Variants in FAM20A observed in about 807,000 individuals in gnomAD.
FAM20A encodes pseudokinase FAM20A.
Under a neutral mutation model 52.0 loss-of-function variants are expected in FAM20A, and 42 were observed. That is an observed-to-expected ratio of 0.81 (90% confidence interval 0.63 to 1.04). The LOEUF is 1.04. Ranked by LOEUF, FAM20A falls within the 50% of genes least tolerant of loss-of-function variation. The pLI, the probability that FAM20A is intolerant of heterozygous loss-of-function variation, is 0.00. For synonymous variants in FAM20A, 304 were observed against 298.9 expected, an observed-to-expected ratio of 1.02 and a Z score of -0.18; for missense variants, 742 against 712.7, an observed-to-expected ratio of 1.04 and a Z score of -0.47.
In FAM20A at chr17:68,536,022, G is replaced by A; in HGVS notation, c.*1455C>T. On this transcript the variant is annotated 3_prime_UTR_variant, in exon 11 of 11. Transcript: ENST00000592554. ...GATTGGAAACCTGTGTGTTGCTTCT[G>A]TAGCGTTGGTGAGTGCCTCACCTGG... is the stretch of plus-strand genomic sequence containing the variant. The A allele has an allele frequency of 2.2e-6, 1 of 454,152 alleles. No homozygotes were observed. Among genetic ancestry groups the A allele is most frequent in the South Asian group, 1.6e-5 (1 of 64,484 alleles). 28.1% of individuals were successfully genotyped at this position (454,152 alleles called of 1,614,324 possible).
Position 68,535,433 on chromosome 17 carries a change from C to G in FAM20A, c.*2044G>C. On this transcript the variant is annotated 3_prime_UTR_variant, in exon 11 of 11. Transcript: ENST00000592554. ...TGAGGTAGAGCTGTAGCCTGCTTTCCTGAGAGTCTTATTTGGAAGTCCCAA... is the reference window on the plus strand; with the variant it reads ...TGAGGTAGAGCTGTAGCCTGCTTTCGTGAGAGTCTTATTTGGAAGTCCCAA... 2.2e-6 allele frequency: 1 copy of G among 454,046 alleles called. No individual in the cohort carries two copies. Among genetic ancestry groups the G allele is most frequent in the Non-Finnish European group, 4.4e-6 (1 of 226,780 alleles). 28.1% of individuals were successfully genotyped at this position (454,046 alleles called of 1,614,324 possible).
At chr17:68,585,457 T>G (rs1374821593) in intron 1 of FAM20A, among the ~76,000 whole-genome samples, 1 of 152,178 alleles carries the variant, frequency 6.6e-6, no homozygotes, top group Non-Finnish European at 1.5e-5. Context: ...ATTTATTTTT[T>G]TTTTAGGTTT....
intron 1 of FAM20A, among the ~76,000 whole-genome samples, chr17:68,566,699 T>C (rs1245128311): frequency 6.6e-6 from 1 of 152,218 alleles, no homozygotes; most frequent in Admixed American, 6.5e-5. Flanking sequence ...CTCTCTGTTT[T>C]TAGTTGCATT....
At chr17:68,586,991 AGCAATTCTCCT>A (rs1433529091) in intron 1 of FAM20A, among the ~76,000 whole-genome samples, 1 of 152,128 alleles carries the variant, frequency 6.6e-6, no homozygotes. Flanking sequence ...CTCAGATTCA[AGCAATTCTCCT>A]GCCTCAGCCT....
chr17:68,578,280 TGAATGTTGGG>T (rs1045065678), intron 1 of FAM20A, among the ~76,000 whole-genome samples: 2 of 152,192 alleles, frequency 1.3e-5, no homozygotes, highest in African/African-American at 4.8e-5. Flanking sequence ...GAGATGGATT[TGAATGTTGGG>T]GAATCTGCAT....
At chr17:68,539,232 C>T (rs903537249) in intron 10 of FAM20A, 105 bp downstream of exon 10, 56 of 1,050,798 alleles carry the variant, frequency 5.3e-5, no homozygotes, top group Middle Eastern at 2.0e-4. Flanking sequence ...TACCCACTTA[C>T]GTCCTGGACC....
chr17:68,577,491 G>T (rs371472961), intron 1 of FAM20A, among the ~76,000 whole-genome samples: 2 of 152,318 alleles, frequency 1.3e-5, no homozygotes, highest in Non-Finnish European at 2.9e-5. Flanking sequence ...AGACATATTT[G>T]GTTGTCATAG....
At position 68,600,746 on chromosome 17, in the gene FAM20A, AGAG is replaced by A; in HGVS notation, c.-83_-81del. ...GGAGGGGTCGCGGGGTGCGGGCAGA[AGAG>A]GTGCCTGGAGTCCCGCGGGTGGGCC... On this transcript the variant is annotated 5_prime_UTR_variant, in exon 1 of 11. Coordinates refer to ENST00000592554, the MANE Select transcript of FAM20A (RefSeq NM_017565.4). The surrounding 1 kb of genome is among the most constrained non-coding windows in gnomAD (Gnocchi z 6.2). 3.4e-6 allele frequency: 5 copies of A among 1,451,752 alleles called. No individual in the cohort carries two copies. The highest frequency in any genetic ancestry group is 4.6e-6 in the Non-Finnish European group (5 of 1,093,498). 89.9% of individuals were successfully genotyped at this position (1,451,752 alleles called of 1,614,324 possible).
chr17:68,553,540 G>T (rs2086936673), intron 3 of FAM20A, among the ~76,000 whole-genome samples: 1 of 152,064 alleles, frequency 6.6e-6, no homozygotes, highest in African/African-American at 2.4e-5. Context: ...CTATAACCAG[G>T]TCACAGCACT....
At chr17:68,554,127 C>CACAT (rs1037056904) in intron 3 of FAM20A, among the ~76,000 whole-genome samples, 1 of 146,486 alleles carries the variant, frequency 6.8e-6, no homozygotes, top group Non-Finnish European at 1.5e-5. Context: ...TATACACACA[C>CACAT]ATATATATAT....
chr17:68,581,360 TTCTTTCTTTCTTTC>T (rs2087950640), intron 1 of FAM20A, among the ~76,000 whole-genome samples: 1 of 126,924 alleles, frequency 7.9e-6, no homozygotes, highest in African/African-American at 3.1e-5. Flanking sequence ...TTTTCTTTCT[TTCTTTCTTTCTTTC>T]TTTCTTTCTT....
At chr17:68,558,369 A>C (rs1568747617) in intron 1 of FAM20A, 1 of 443,086 alleles carries the variant, frequency 2.3e-6, no homozygotes, top group Non-Finnish European at 4.5e-6. Context: ...TCCAAATCTC[A>C]TGTTGAAATG....
At position 68,536,088 on chromosome 17, in the gene FAM20A, A is replaced by G; in HGVS notation, c.*1389T>C. 1 of 454,100 alleles carries G rather than the reference A, an allele frequency of 2.2e-6. No homozygotes were observed. The highest frequency in any genetic ancestry group is 2.3e-5 in the Admixed American group (1 of 42,582). The allele number at this position is 454,100 out of a possible 1,614,324, so 28.1% of individuals were successfully genotyped here. Reference sequence around the variant, plus strand: ...TGGTAGTGATTTTAGAGAGACACAAAGTCCAGGGGCAGCATACCAGTCATG... The same window carrying G: ...TGGTAGTGATTTTAGAGAGACACAAGGTCCAGGGGCAGCATACCAGTCATG... On this transcript the variant is annotated 3_prime_UTR_variant, in exon 11 of 11. Coordinates refer to ENST00000592554, the MANE Select transcript of FAM20A (RefSeq NM_017565.4).
chr17:68,565,010 C>T (rs933666416), intron 1 of FAM20A, among the ~76,000 whole-genome samples: 2 of 152,132 alleles, frequency 1.3e-5, no homozygotes, highest in Non-Finnish European at 2.9e-5. Context: ...TGAAAATCTT[C>T]CCCAGTGCCT....
At chr17:68,584,545 G>A (rs2088113752) in intron 1 of FAM20A, among the ~76,000 whole-genome samples, 2 of 152,162 alleles carry the variant, frequency 1.3e-5, no homozygotes, top group African/African-American at 2.4e-5. Context: ...GAAAGTAGAC[G>A]CAAAGGACAA....
intron 1 of FAM20A, among the ~76,000 whole-genome samples, chr17:68,559,160 A>G (rs1010424956): frequency 2.6e-5 from 4 of 152,232 alleles, no homozygotes; most frequent in African/African-American, 9.6e-5. Flanking sequence ...GTTTGTGGCA[A>G]TTTGTACTCA....
intron 1 of FAM20A, among the ~76,000 whole-genome samples, chr17:68,580,187 G>A (rs1280593204): frequency 6.6e-6 from 1 of 152,242 alleles, no homozygotes; most frequent in Non-Finnish European, 1.5e-5. Flanking sequence ...CTCTTCCACA[G>A]TGGCTGCAGA....
intron 1 of FAM20A, among the ~76,000 whole-genome samples, chr17:68,562,128 G>C (rs529180255): frequency 6.6e-6 from 1 of 152,138 alleles, no homozygotes; most frequent in African/African-American, 2.4e-5. Flanking sequence ...CCGGCCCCCA[G>C]TACCTTTCAA....
chr17:68,538,050 C>A (rs2086146179), intron 10 of FAM20A, among the ~76,000 whole-genome samples: 1 of 152,166 alleles, frequency 6.6e-6, no homozygotes, highest in Admixed American at 6.5e-5. Flanking sequence ...CAAAGTGATA[C>A]TTAGGATTTT....
Sources: allele counts gnomAD v4.1 joint callset (sites outside exome capture counted in the v4.1 genomes callset), GRCh38; gene constraint gnomAD v4.1.1; non-coding constraint Gnocchi (gnomAD v3.1); transcripts MANE v1.5; gene names NCBI Gene and HGNC (gene_info 2026-07-23, HGNC 2026-07-21).